POGLUT3: variants seen among roughly 807,000 people sequenced by gnomAD.
The protein encoded by POGLUT3 is KDEL (Lys-Asp-Glu-Leu) containing 2.
A neutral mutation model predicts 54.3 loss-of-function variants in POGLUT3; 48 were observed. The observed-to-expected ratio is 0.88, with a 90% CI of 0.70 to 1.12. POGLUT3 has a LOEUF of 1.12. Among genes scored for constraint, POGLUT3 ranks in the 50% most tolerant of loss-of-function variants. POGLUT3 has a pLI of 0.00. For synonymous variants in POGLUT3, 218 were observed against 237.4 expected (o/e 0.92, Z 0.75); for missense variants, 629 against 618.7 (o/e 1.02, Z -0.18).
At chr11:108,486,015 TG>T (rs1455937643) in intron 3 of POGLUT3, 141 bp downstream of exon 3, 1 of 667,168 alleles carries the variant, frequency 1.5e-6, no homozygotes, top group East Asian at 2.7e-5. Flanking sequence ...ATGGAGAACA[TG>T]ATGAACACTC....
rs2093570645 is a variant in POGLUT3 at position 108,472,334 on chromosome 11, A to G, written c.*2493T>C. ...ACTTACAGTAAAAAAAAATCTAAAT[A>G]TTATAGAAAGGTATAAAGCAAAAAG... On this transcript the variant is annotated 3_prime_UTR_variant, in exon 8 of 8. Coordinates refer to ENST00000323468, the MANE Select transcript of POGLUT3 (RefSeq NM_153705.5). 1 of 152,206 alleles carries G rather than the reference A, an allele frequency of 6.6e-6. No individual in the cohort carries two copies. Among genetic ancestry groups the G allele is most frequent in the Non-Finnish European group, 1.5e-5 (1 of 68,036 alleles). The allele number at this position is 152,206 out of a possible 1,614,324, so 9.4% of individuals were successfully genotyped here. A position where few individuals can be genotyped will look rare whatever the true frequency, so the allele number is the denominator to read the frequency against.
At chr11:108,483,813 C>A (rs1186702570) in intron 3 of POGLUT3, among the ~76,000 whole-genome samples, 1 of 151,974 alleles carries the variant, frequency 6.6e-6, no homozygotes, top group Non-Finnish European at 1.5e-5. Context: ...AGACTACAGG[C>A]ACGCACCACC....
At chr11:108,484,393 G>GT (rs1254848332) in intron 3 of POGLUT3, among the ~76,000 whole-genome samples, 1 of 152,160 alleles carries the variant, frequency 6.6e-6, no homozygotes, top group Non-Finnish European at 1.5e-5. Flanking sequence ...GCTATTTAAA[G>GT]TAAGAACTGA....
chr11:108,489,084 C>T (rs1324743322), intron 2 of POGLUT3, among the ~76,000 whole-genome samples: 1 of 152,054 alleles, frequency 6.6e-6, no homozygotes, highest in Non-Finnish European at 1.5e-5. Context: ...GAAAAAGCAT[C>T]AAGAGGTGAA....
Position 108,482,048 on chromosome 11 carries a change from G to T in POGLUT3, c.859C>A (p.Arg287=), listed in dbSNP as rs1335998000. ...GAGAGGAGATCATTTGTAACACCCC[G>T]CATGGCTTCAAGCATGGAGTGGGTG... is the stretch of plus-strand genomic sequence containing the variant. The part of the protein sequence containing the change: ...DITHSMLEAM[R]GVTNDLLSIQ... The change falls in exon 4 of 8, where the codon CGG becomes AGG. Residue 287 remains arginine (R), a synonymous_variant. Coordinates refer to ENST00000323468, the MANE Select transcript of POGLUT3 (RefSeq NM_153705.5). 6 of 1,613,950 alleles carry T rather than the reference G, an allele frequency of 3.7e-6. No homozygotes were observed. The highest frequency in any genetic ancestry group is 4.2e-6 in the Non-Finnish European group (5 of 1,179,936).
chr11:108,475,508 T>C (rs7126588), intron 7 of POGLUT3, among the ~76,000 whole-genome samples: 78,652 of 143,008 alleles, frequency 0.55, 22,123 homozygotes, highest in Middle Eastern at 0.74. Context: ...ACTCTGTCAC[T>C]GAGGCTGGAG....
rs1211369953 is a variant in POGLUT3 at position 108,481,327 on chromosome 11, G to A, written c.951C>T (p.Asp317=). The change falls in exon 5 of 8, where the codon GAC becomes GAT. Residue 317 remains aspartate (D), a synonymous_variant. Transcript: ENST00000323468. ...KTERAFFRGR[D]SREERLQLVQ... ...CCAACTGGAGCCTCTCCTCTCGGCT[G>A]TCTCTACCTCTGAAGAAAGCTCTCT... The A allele has an allele frequency of 1.2e-6, 2 of 1,607,230 alleles. No individual in the cohort carries two copies. Among genetic ancestry groups the A allele is most frequent in the African/African-American group, 2.7e-5 (2 of 74,332 alleles).
intron 5 of POGLUT3, 21 bp from the exon 6 acceptor site, chr11:108,479,516 A>G: frequency 1.9e-6 from 3 of 1,560,992 alleles, no homozygotes; most frequent in South Asian, 2.4e-5. Flanking sequence ...AAAAACAAAC[A>G]TAAACAAACT....
In POGLUT3 at chr11:108,482,044, C is replaced by G. The variant is rs2093593694; in HGVS notation, c.863G>C (p.Gly288Ala). ...AATAGAGAGGAGATCATTTGTAACA[C>G]CCCGCATGGCTTCAAGCATGGAGTG... is the stretch of plus-strand genomic sequence containing the variant. ...ITHSMLEAMR[G>A]VTNDLLSIQG... Residue 288 changes from glycine (G) to alanine (A), a missense_variant, in exon 4 of 8, where the codon GGT becomes GCT. Coordinates refer to ENST00000323468, the MANE Select transcript of POGLUT3 (RefSeq NM_153705.5). 1 of 1,613,956 alleles carries G rather than the reference C, an allele frequency of 6.2e-7. No individual in the cohort carries two copies. The highest frequency in any genetic ancestry group is 1.3e-5 in the African/African-American group (1 of 74,904).
chr11:108,479,557 T>C (rs1263056432), intron 5 of POGLUT3, 62 bp from the exon 6 acceptor site: 1 of 1,240,912 alleles, frequency 8.1e-7, no homozygotes, highest in Admixed American at 2.5e-5. Flanking sequence ...CTTCTGCTCC[T>C]CATCAACACT....
chr11:108,483,218 C>A (rs1256006418), intron 3 of POGLUT3, among the ~76,000 whole-genome samples: 1 of 152,240 alleles, frequency 6.6e-6, no homozygotes, highest in Non-Finnish European at 1.5e-5. Context: ...CAAGGCCTCA[C>A]AATCTTGTCC....
At chr11:108,481,621 C>G (rs1400063177) in intron 4 of POGLUT3, among the ~76,000 whole-genome samples, 1 of 152,114 alleles carries the variant, frequency 6.6e-6, no homozygotes, top group Non-Finnish European at 1.5e-5. Flanking sequence ...AAAGAATGCT[C>G]TAATTTCATC....
intron 1 of POGLUT3, among the ~76,000 whole-genome samples, chr11:108,491,985 C>T (rs2093614174): frequency 1.3e-5 from 2 of 151,944 alleles, no homozygotes; most frequent in South Asian, 4.1e-4. Flanking sequence ...GAAAATTTCC[C>T]CGTTTATTAA....
rs778390018 is a variant in POGLUT3 at position 108,481,344 on chromosome 11, A to G, written c.934T>C (p.Phe312Leu). 1 of 1,591,820 alleles carries G rather than the reference A, an allele frequency of 6.3e-7. No homozygotes were observed. The highest frequency in any genetic ancestry group is 8.5e-7 in the Non-Finnish European group (1 of 1,174,294). ...TCTCGGCTGTCTCTACCTCTGAAGA[A>G]AGCTCTCTCTGTTTTATTGATCCAG... Reference protein sequence around the residue: ...PSWINKTERAFFRGRDSREER... With the variant: ...PSWINKTERALFRGRDSREER... The change falls in exon 5 of 8, where the codon TTC becomes CTC. Residue 312 changes from phenylalanine (F) to leucine (L), a missense_variant. Physicochemically the swap from Phe to Leu is conservative, Grantham distance 22. Transcript: ENST00000323468.
At chr11:108,480,228 C>T (rs2093589889) in intron 5 of POGLUT3, among the ~76,000 whole-genome samples, 1 of 152,206 alleles carries the variant, frequency 6.6e-6, no homozygotes, top group Non-Finnish European at 1.5e-5. Context: ...TATACGCAGT[C>T]TATGAAACAG....
Position 108,491,128 on chromosome 11 carries a change from G to C in POGLUT3, c.242C>G (p.Pro81Arg). Reference protein sequence around the residue: ...PFKVVVKSLSPKELVRIHVPK... With the variant: ...PFKVVVKSLSRKELVRIHVPK... ...GACATGTATCCGGACCAACTCTTTAGGTGAAAGAGATTTGACTACGACTTT... is the reference window on the plus strand; with the variant it reads ...GACATGTATCCGGACCAACTCTTTACGTGAAAGAGATTTGACTACGACTTT... Residue 81 changes from proline to arginine, a missense_variant, in exon 2 of 8, where the codon CCT becomes CGT. Pro to Arg is a moderately radical substitution (Grantham distance 103). Transcript: ENST00000323468. The C allele has an allele frequency of 1.2e-6, 2 of 1,613,944 alleles. No homozygotes were observed. Among genetic ancestry groups the C allele is most frequent in the Non-Finnish European group, 1.7e-6 (2 of 1,179,886 alleles).
At chr11:108,494,500 T>C (rs1434308831) in intron 1 of POGLUT3, among the ~76,000 whole-genome samples, 1 of 152,222 alleles carries the variant, frequency 6.6e-6, no homozygotes, top group African/African-American at 2.4e-5. Flanking sequence ...AGCAATGAAG[T>C]AGAAGTTCAA....
At chr11:108,492,506 A>G (rs2093615024) in intron 1 of POGLUT3, among the ~76,000 whole-genome samples, 2 of 152,228 alleles carry the variant, frequency 1.3e-5, no homozygotes, top group African/African-American at 4.8e-5. Flanking sequence ...TTTAAAATAT[A>G]TCTTTTGAAA....
At chr11:108,493,957 G>C (rs1347881407) in intron 1 of POGLUT3, among the ~76,000 whole-genome samples, 1 of 152,146 alleles carries the variant, frequency 6.6e-6, no homozygotes, top group Non-Finnish European at 1.5e-5. Flanking sequence ...ATTAGAATCA[G>C]AAATCTTGAA....
Sources: gnomAD v4.1 joint callset for allele counts (sites outside exome capture counted in the v4.1 genomes callset) on GRCh38, gnomAD v4.1.1 for gene constraint, MANE v1.5 for transcripts, NCBI Gene and HGNC (gene_info 2026-07-23, HGNC 2026-07-21) for gene names.